Variants in SIK3 observed in about 807,000 individuals in gnomAD.
SIK3 encodes SIK family kinase 3, also known as serine/threonine-protein kinase SIK3.
In SIK3, 28 loss-of-function variants were observed where a neutral mutation model predicts 144.2. That is an observed-to-expected ratio of 0.19 (90% CI 0.14 to 0.27). The LOEUF is 0.27. Among genes scored for constraint, SIK3 ranks in the 10% least tolerant of loss-of-function variants. The pLI is 1.00. For missense variants in SIK3, 1,319 were observed against 1,776.0 expected (o/e 0.74, Z 4.62); for synonymous variants, 686 against 676.3 (o/e 1.01, Z -0.22).
At chr11:117,017,735 T>C (rs2135722092) in intron 1 of SIK3, among the ~76,000 whole-genome samples, 1 of 152,302 alleles carries the variant, frequency 6.6e-6, no homozygotes, top group Non-Finnish European at 1.5e-5. Flanking sequence ...AAAGGTCGTA[T>C]GGATTTCAAT....
At chr11:116,873,448 A>G (rs1320542415) in intron 13 of SIK3, 33 bp downstream of exon 13, 2 of 1,614,032 alleles carry the variant, frequency 1.2e-6, no homozygotes, top group Non-Finnish European at 8.5e-7. Context: ...AAAGCCTCTG[A>G]GACAGTGAAT....
At chr11:116,938,072 G>T (rs994618665) in intron 3 of SIK3, among the ~76,000 whole-genome samples, 46 of 151,778 alleles carry the variant, frequency 3.0e-4, no homozygotes, top group African/African-American at 1.1e-3. Flanking sequence ...GGGCATGGTG[G>T]CGTGTGCCTG....
rs1007208906 is a variant in SIK3, at chr11:116,850,834, C to A, written c.3656-1551G>T. On this transcript the variant is annotated intron_variant, in intron 21 of 24. Coordinates refer to ENST00000445177, the MANE Select transcript of SIK3 (RefSeq NM_001366686.3). ...GACCAGCCTGGCCAACATGGTGAAACCCCACCTCTACTAAAATTACAAAAA... is the reference window on the plus strand; with the variant it reads ...GACCAGCCTGGCCAACATGGTGAAAACCCACCTCTACTAAAATTACAAAAA... Among the ~76,000 whole-genome samples the A allele has an allele frequency of 1.9e-4, 29 of 152,270 alleles. 3 individuals are homozygous for A. Among genetic ancestry groups the A allele is most frequent in the Admixed American group, 1.3e-3 (20 of 15,302 alleles).
chr11:116,903,190 CTGAG>C (rs575898006), intron 4 of SIK3, among the ~76,000 whole-genome samples: 106 of 152,344 alleles, frequency 7.0e-4, no homozygotes, highest in African/African-American at 2.5e-3. Flanking sequence ...ACTTCTGGGA[CTGAG>C]TAACTGTGAT....
chr11:117,077,353 C>G (rs1591662046), intron 1 of SIK3, among the ~76,000 whole-genome samples: 1 of 152,314 alleles, frequency 6.6e-6, no homozygotes, highest in East Asian at 1.9e-4. Flanking sequence ...TTGGTCCTCG[C>G]TTTCTGGTGC....
Position 116,932,337 on chromosome 11 carries a change from T to A in SIK3, c.455-4957A>T, listed in dbSNP as rs548556420. Among the ~76,000 whole-genome samples, 63 of 152,330 alleles carry A rather than the reference T, an allele frequency of 4.1e-4. No homozygotes were observed. In the Middle Eastern group the frequency reaches 0.01, roughly 25 times the overall value. ...AAAGACAGTGCAGAGAGGTCCCGTG[T>A]ACCCTTCGCCCAGTTTCCGCCAATG... On this transcript the variant is annotated intron_variant, in intron 3 of 24. Coordinates refer to ENST00000445177, the MANE Select transcript of SIK3 (RefSeq NM_001366686.3).
intron 17 of SIK3, 66 bp downstream of exon 17, chr11:116,862,136 G>T: frequency 6.2e-7 from 1 of 1,610,150 alleles, no homozygotes; most frequent in Non-Finnish European, 8.5e-7. Context: ...CCTCCAAAAT[G>T]CACAGGCAAA....
intron 4 of SIK3, among the ~76,000 whole-genome samples, chr11:116,922,179 G>T (rs1330429742): frequency 6.6e-6 from 1 of 152,204 alleles, no homozygotes; most frequent in East Asian, 1.9e-4. Flanking sequence ...AGTATGGACA[G>T]TTGTGATAGC....
At chr11:116,924,068 T>G (rs992436425) in intron 4 of SIK3, among the ~76,000 whole-genome samples, 1 of 151,964 alleles carries the variant, frequency 6.6e-6, no homozygotes, top group Non-Finnish European at 1.5e-5. Flanking sequence ...GATCAGGATC[T>G]TGAACTCCTG....
chr11:116,874,092 A>G, intron 11 of SIK3, 36 bp from the exon 12 acceptor site: 1 of 1,610,086 alleles, frequency 6.2e-7, no homozygotes, highest in Non-Finnish European at 8.5e-7. Context: ...AGTTTAGTTA[A>G]CATTCTTACT....
At chr11:116,911,120 C>T (rs1201145272) in intron 4 of SIK3, among the ~76,000 whole-genome samples, 2 of 151,860 alleles carry the variant, frequency 1.3e-5, no homozygotes, top group African/African-American at 2.4e-5. Context: ...GGTGACAGAG[C>T]GAAACCCTGT....
chr11:116,937,932 C>T (rs1948005898), intron 3 of SIK3, among the ~76,000 whole-genome samples: 1 of 151,934 alleles, frequency 6.6e-6, no homozygotes, highest in Non-Finnish European at 1.5e-5. Flanking sequence ...TGGCTGGGCA[C>T]GGTGGCTCAC....
chr11:116,965,399 G>C (rs1301865537), intron 1 of SIK3, among the ~76,000 whole-genome samples: 1 of 151,728 alleles, frequency 6.6e-6, no homozygotes, highest in East Asian at 1.9e-4. Flanking sequence ...AAAAGGAGTG[G>C]AGGAAAAGAG....
intron 1 of SIK3, among the ~76,000 whole-genome samples, chr11:116,982,724 G>A (rs1315920578): frequency 6.6e-6 from 1 of 151,898 alleles, no homozygotes; most frequent in Non-Finnish European, 1.5e-5. Flanking sequence ...GGGAGGTTGA[G>A]GCGGGCAGAT....
rs77431162 is a variant in SIK3 at position 117,090,820 on chromosome 11, C to T, written c.273+7323G>A. Among the ~76,000 whole-genome samples, 916 of 152,302 alleles carry T rather than the reference C, an allele frequency of 6.0e-3. 27 individuals are homozygous for T. The East Asian group carries it at 0.065, about 11-fold the overall frequency. ...GCAAAGGTGACAGAGTGGTATAATG[C>T]CAAAGGACAGGTGAAATACAGGGTT... On this transcript the variant is annotated intron_variant, in intron 1 of 24. Coordinates refer to ENST00000445177, the MANE Select transcript of SIK3 (RefSeq NM_001366686.3).
chr11:116,931,625 C>G (rs1373825527), intron 3 of SIK3, among the ~76,000 whole-genome samples: 2 of 152,176 alleles, frequency 1.3e-5, no homozygotes, highest in Non-Finnish European at 2.9e-5. Flanking sequence ...AGGGAAAAGG[C>G]AGTATGTGTG....
Position 116,857,914 on chromosome 11 carries a change from G to A in SIK3, c.3551C>T (p.Pro1184Leu), listed in dbSNP as rs12225230. The part of the protein sequence containing the change: ...LLLSTGGPGD[P>L]ESLLGTVSHA... ...ACTCACAGTTCCTAGCAAAGATTCAGGGTCCCCAGGTCCACCGGTACTCAA... is the reference window on the plus strand; with the variant it reads ...ACTCACAGTTCCTAGCAAAGATTCAAGGTCCCCAGGTCCACCGGTACTCAA... Residue 1184 changes from proline to leucine, a missense_variant, in exon 21 of 25, where the codon CCT becomes CTT. Physicochemically the swap from Pro to Leu is moderately conservative, Grantham distance 98. Around this residue, in one of 8 missense-constraint regions of SIK3, gnomAD observed 646 missense variants for 763.7 expected, o/e 0.85. Coordinates refer to ENST00000445177, the MANE Select transcript of SIK3 (RefSeq NM_001366686.3). 8 of 1,613,910 alleles carry A rather than the reference G, an allele frequency of 5.0e-6. No homozygotes were observed. The Admixed American group carries it at 5.0e-5, about 10-fold the overall frequency.
intron 1 of SIK3, among the ~76,000 whole-genome samples, chr11:117,056,489 C>A (rs1953529221): frequency 6.6e-6 from 1 of 151,768 alleles, no homozygotes; most frequent in African/African-American, 2.4e-5. Flanking sequence ...CAAACCTGCA[C>A]ATTGTGCACA....
In SIK3 at chr11:117,037,170, C is replaced by T. The variant is rs1952541000; in HGVS notation, c.273+60973G>A. Among the ~76,000 whole-genome samples the T allele has an allele frequency of 2.0e-5, 3 of 151,632 alleles. No individual in the cohort carries two copies. The South Asian group carries it at 6.2e-4, about 31-fold the overall frequency. ...TCCAGAATCTTGGTTGTGTCTGCTG[C>T]AAAAAAGGGAAAAACTGCTTTTTCA... On this transcript the variant is annotated intron_variant, in intron 1 of 24. Transcript: ENST00000445177.
Sources: gnomAD v4.1 joint callset for allele counts (sites outside exome capture counted in the v4.1 genomes callset) on GRCh38, gnomAD v4.1.1 for gene constraint, gnomAD v4.1.1 regional missense constraint, MANE v1.5 for transcripts, NCBI Gene and HGNC (gene_info 2026-07-23, HGNC 2026-07-21) for gene names.